Variants in MBOAT2 observed in about 807,000 individuals in gnomAD.
MBOAT2 encodes the protein membrane bound glycerophospholipid O-acyltransferase 2.
In MBOAT2, 28 loss-of-function variants were observed where a neutral mutation model predicts 63.4. The observed-to-expected ratio is 0.44, with a 90% CI of 0.33 to 0.61. The LOEUF (loss-of-function observed/expected upper bound fraction) is 0.61. Ranked by LOEUF, MBOAT2 falls within the 20% of genes least tolerant of loss-of-function variation. The probability of loss-of-function intolerance (pLI) is 0.03; values close to 1 mark genes in which losing one functional copy is unlikely to be tolerated. For synonymous variants in MBOAT2, 211 were observed against 215.6 expected (o/e 0.98, Z 0.19); for missense variants, 470 against 605.8 (o/e 0.78, Z 2.35).
At chr2:8,935,463 A>G (rs1208100126) in intron 3 of MBOAT2, among the ~76,000 whole-genome samples, 4 of 152,262 alleles carry the variant, frequency 2.6e-5, no homozygotes, top group African/African-American at 9.6e-5. Context: ...AAGAAAATGA[A>G]CTGCAGGACA....
At chr2:8,956,584 C>T (rs945434964) in intron 2 of MBOAT2, among the ~76,000 whole-genome samples, 1 of 151,916 alleles carries the variant, frequency 6.6e-6, no homozygotes, top group South Asian at 2.1e-4. Flanking sequence ...TCCCAGCTGC[C>T]CAGGAGGCTG....
At chr2:8,943,722 T>A (rs1185172199) in intron 2 of MBOAT2, among the ~76,000 whole-genome samples, 51 of 152,200 alleles carry the variant, frequency 3.4e-4, no homozygotes, top group Non-Finnish European at 1.5e-5. Context: ...CAACAAAAAG[T>A]GCTAAATATT....
chr2:8,891,062 C>T (rs1311862565), intron 4 of MBOAT2, among the ~76,000 whole-genome samples: 1 of 152,224 alleles, frequency 6.6e-6, no homozygotes, highest in Non-Finnish European at 1.5e-5. Flanking sequence ...GCACCTAATA[C>T]ACTATCAGTG....
chr2:8,901,182 GTTGCGCT>G (rs1664895450), intron 4 of MBOAT2, among the ~76,000 whole-genome samples: 2 of 151,710 alleles, frequency 1.3e-5, no homozygotes, highest in African/African-American at 4.9e-5. Context: ...GATTGGAATA[GTTGCGCT>G]CACCGATGCA....
intron 3 of MBOAT2, among the ~76,000 whole-genome samples, chr2:8,919,039 A>C (rs539719069): frequency 9.2e-5 from 14 of 152,328 alleles, no homozygotes; most frequent in African/African-American, 3.1e-4. Flanking sequence ...TCTTCCACTT[A>C]CCGTGCTCTT....
chr2:8,897,509 C>G (rs1664574977), intron 4 of MBOAT2, among the ~76,000 whole-genome samples: 1 of 152,226 alleles, frequency 6.6e-6, no homozygotes. Context: ...GATAAGCATA[C>G]TTGCTATCTG....
chr2:8,945,231 G>A (rs868660422), intron 2 of MBOAT2, among the ~76,000 whole-genome samples: 3 of 152,132 alleles, frequency 2.0e-5, no homozygotes, highest in Non-Finnish European at 4.4e-5. Flanking sequence ...TTCAGCAGTA[G>A]AAAGTGAATC....
chr2:8,973,240 A>G (rs1670575195), intron 1 of MBOAT2, among the ~76,000 whole-genome samples: 1 of 152,060 alleles, frequency 6.6e-6, no homozygotes, highest in African/African-American at 2.4e-5. Flanking sequence ...GAAGCTGGAA[A>G]CCATCGTTCT....
chr2:8,949,314 T>C (rs187784134), intron 2 of MBOAT2, among the ~76,000 whole-genome samples: 8 of 152,354 alleles, frequency 5.3e-5, no homozygotes, highest in Non-Finnish European at 1.0e-4. Context: ...TTTCTTTTGC[T>C]GTGCAGAAGC....
chr2:8,932,940 T>G (rs973994677), intron 3 of MBOAT2, among the ~76,000 whole-genome samples: 1 of 152,192 alleles, frequency 6.6e-6, no homozygotes. Flanking sequence ...AGTTCATAAT[T>G]TAGCAAGTCC....
intron 9 of MBOAT2, 72 bp from the exon 10 acceptor site, chr2:8,864,306 T>C (rs1661705522): frequency 1.1e-6 from 1 of 884,576 alleles, no homozygotes; most frequent in Non-Finnish European, 1.6e-6. Flanking sequence ...TATATTATTA[T>C]GCTAAAAAAT....
intron 9 of MBOAT2, among the ~76,000 whole-genome samples, chr2:8,864,574 G>T (rs1031829003): frequency 6.6e-6 from 1 of 151,898 alleles, no homozygotes; most frequent in African/African-American, 2.4e-5. Context: ...AAACTGGGGC[G>T]CCCACCTTGT....
At chr2:8,963,575 T>TTA (rs1219865946) in intron 1 of MBOAT2, among the ~76,000 whole-genome samples, 3 of 152,192 alleles carry the variant, frequency 2.0e-5, no homozygotes, top group Admixed American at 2.0e-4. Flanking sequence ...AGTGCTGGGA[T>TTA]TATAGGCATG....
chr2:8,976,053 G>A (rs1036485020), intron 1 of MBOAT2, among the ~76,000 whole-genome samples: 7 of 152,004 alleles, frequency 4.6e-5, no homozygotes, highest in Admixed American at 3.9e-4. Context: ...CCAGACAACA[G>A]CACAGAGAAC....
intron 9 of MBOAT2, 114 bp downstream of exon 9, chr2:8,868,332 G>A (rs553167109): frequency 1.9e-4 from 157 of 808,316 alleles, no homozygotes; most frequent in Non-Finnish European, 3.0e-4. Flanking sequence ...GAAAGAATGA[G>A]TGTTAATATT....
chr2:8,966,694 C>A (rs1670018663), intron 1 of MBOAT2, among the ~76,000 whole-genome samples: 2 of 152,170 alleles, frequency 1.3e-5, no homozygotes, highest in Non-Finnish European at 2.9e-5. Context: ...TACACATCCA[C>A]CAGATTGCCA....
chr2:8,929,279 G>A lies in MBOAT2; in HGVS notation c.299+13908C>T, dbSNP rs137951994. ...AAAGTATGTTCTGTTACATGCATTGGGGGTAAGAAATACCACTGATTTACC... is the reference window on the plus strand; with the variant it reads ...AAAGTATGTTCTGTTACATGCATTGAGGGTAAGAAATACCACTGATTTACC... On this transcript the variant is annotated intron_variant, in intron 3 of 12. Transcript: ENST00000305997. Among the ~76,000 whole-genome samples the A allele has an allele frequency of 1.7e-3, 263 of 152,166 alleles. 1 individual carries two copies. Among genetic ancestry groups the A allele is most frequent in the African/African-American group, 6.0e-3 (247 of 41,494 alleles).
At chr2:8,920,721 C>CA (rs759532373) in intron 3 of MBOAT2, among the ~76,000 whole-genome samples, 3 of 152,192 alleles carry the variant, frequency 2.0e-5, no homozygotes, top group Non-Finnish European at 4.4e-5. Context: ...TTTTCAAGTG[C>CA]AACTGCAATT....
At position 9,003,439 on chromosome 2, in the gene MBOAT2, GC is replaced by G; in HGVS notation, c.75+100del. On this transcript the variant is annotated intron_variant, in intron 1 of 12. Transcript: ENST00000305997. The surrounding 1 kb of genome is among the most constrained non-coding windows in gnomAD (Gnocchi z 5.4). ...CGGGTAGGGGGGCACCGGGCGCCCG[GC>G]CCCAGCCCCCACCCTCCTCCCGGGC... 1 of 749,520 alleles carries G rather than the reference GC, an allele frequency of 1.3e-6. No homozygotes were observed. Among genetic ancestry groups the G allele is most frequent in the Non-Finnish European group, 1.7e-6 (1 of 577,378 alleles). The allele number at this position is 749,520 out of a possible 1,614,324, so 46.4% of individuals were successfully genotyped here.
Sources: gnomAD v4.1 joint callset for allele counts (sites outside exome capture counted in the v4.1 genomes callset) on GRCh38, gnomAD v4.1.1 for gene constraint, Gnocchi (gnomAD v3.1) non-coding constraint, MANE v1.5 for transcripts, NCBI Gene and HGNC (gene_info 2026-07-23, HGNC 2026-07-21) for gene names.